The following DYNC1I1 variants were observed in gnomAD, a reference collection of about 807,000 sequenced individuals.
DYNC1I1 encodes cytoplasmic dynein 1 intermediate chain 1.
Under a neutral mutation model 86.6 loss-of-function variants are expected in DYNC1I1, and 43 were observed. The ratio of observed to expected loss-of-function variants is 0.50; its 90% confidence interval spans 0.39 to 0.64. The LOEUF (loss-of-function observed/expected upper bound fraction) is 0.64. Among genes scored for constraint, DYNC1I1 ranks in the 30% least tolerant of loss-of-function variants. The probability of loss-of-function intolerance (pLI) is 0.00; values close to 1 mark genes in which losing one functional copy is unlikely to be tolerated. For synonymous variants in DYNC1I1, 262 were observed against 283.7 expected, an observed-to-expected ratio of 0.92 and a Z score of 0.77; for missense variants, 604 against 788.8, an observed-to-expected ratio of 0.77 and a Z score of 2.81.
At chr7:96,084,497 T>G (rs1790621241) in intron 16 of DYNC1I1, among the ~76,000 whole-genome samples, 1 of 142,538 alleles carries the variant, frequency 7.0e-6, no homozygotes, top group Non-Finnish European at 1.5e-5. Flanking sequence ...TGGAGTGCAA[T>G]GGCACACTTC....
chr7:95,838,656 G>A (rs551439901), intron 5 of DYNC1I1, among the ~76,000 whole-genome samples: 2 of 151,972 alleles, frequency 1.3e-5, no homozygotes, highest in Admixed American at 1.3e-4. Flanking sequence ...ATATTGTTTT[G>A]TGTAATCCAT....
chr7:95,996,100 T>C, intron 10 of DYNC1I1, 27 bp downstream of exon 10: 1 of 1,613,782 alleles, frequency 6.2e-7, no homozygotes. Context: ...TAAAAATAAC[T>C]TACATCTCCT....
chr7:95,923,028 G>A (rs983121909), intron 6 of DYNC1I1, among the ~76,000 whole-genome samples: 1 of 151,996 alleles, frequency 6.6e-6, no homozygotes, highest in Non-Finnish European at 1.5e-5. Context: ...ATTAAAATTT[G>A]TTTTAATTCA....
At chr7:95,881,547 G>A (rs1790455013) in intron 6 of DYNC1I1, among the ~76,000 whole-genome samples, 1 of 152,142 alleles carries the variant, frequency 6.6e-6, no homozygotes, top group African/African-American at 2.4e-5. Flanking sequence ...GTAGTTCTTG[G>A]ACTATTTGGG....
At chr7:95,893,231 A>G (rs1790790589) in intron 6 of DYNC1I1, among the ~76,000 whole-genome samples, 1 of 152,146 alleles carries the variant, frequency 6.6e-6, no homozygotes, top group South Asian at 2.1e-4. Context: ...AAAAAATTCA[A>G]CTATTATGTG....
At chr7:96,100,585 A>G (rs920911839), downstream of DYNC1I1, among the ~76,000 whole-genome samples, 3 of 151,378 alleles carry the variant, frequency 2.0e-5, no homozygotes, top group Non-Finnish European at 4.4e-5. Flanking sequence ...TTAGATTTTG[A>G]GGTGTTTAAT....
chr7:95,940,038 A>G (rs1327734598), intron 6 of DYNC1I1, among the ~76,000 whole-genome samples: 2 of 151,902 alleles, frequency 1.3e-5, no homozygotes, highest in African/African-American at 4.8e-5. Flanking sequence ...AAAGTATTTT[A>G]TTTCTCCTTC....
intron 10 of DYNC1I1, among the ~76,000 whole-genome samples, chr7:96,014,410 T>C (rs938156425): frequency 1.9e-4 from 29 of 152,198 alleles, no homozygotes; most frequent in African/African-American, 7.0e-4. Context: ...AGGAACCCAG[T>C]GCCTTTCACT....
At chr7:96,065,883 T>C (rs983281164) in intron 14 of DYNC1I1, among the ~76,000 whole-genome samples, 1 of 152,208 alleles carries the variant, frequency 6.6e-6, no homozygotes, top group Non-Finnish European at 1.5e-5. Context: ...TTCTATTTTC[T>C]ACTCATTTAA....
chr7:95,965,918 G>T (rs895298795), intron 6 of DYNC1I1, among the ~76,000 whole-genome samples: 5 of 152,160 alleles, frequency 3.3e-5, no homozygotes, highest in Non-Finnish European at 5.9e-5. Context: ...GTTCCAAGTT[G>T]CTATCATGAT....
chr7:96,067,405 A>G (rs945498825), intron 14 of DYNC1I1, among the ~76,000 whole-genome samples: 15 of 151,668 alleles, frequency 9.9e-5, no homozygotes, highest in Non-Finnish European at 1.8e-4. Context: ...GCTTTCAATG[A>G]AACTACCTGT....
intron 16 of DYNC1I1, among the ~76,000 whole-genome samples, chr7:96,092,696 A>G (rs1273892258): frequency 6.6e-6 from 1 of 152,100 alleles, no homozygotes; most frequent in Non-Finnish European, 1.5e-5. Flanking sequence ...GAGGGGACTG[A>G]TCCCTGACAT....
chr7:95,931,864 T>C (rs73228462), intron 6 of DYNC1I1, among the ~76,000 whole-genome samples: 2,591 of 152,346 alleles, frequency 0.017, 59 homozygotes, highest in East Asian at 0.11. Context: ...CTAAATGTTA[T>C]TTTACTATTG....
At chr7:95,988,676 A>G (rs1391350099) in intron 9 of DYNC1I1, among the ~76,000 whole-genome samples, 4 of 152,236 alleles carry the variant, frequency 2.6e-5, no homozygotes, top group Admixed American at 2.6e-4. Flanking sequence ...TGAGAGAAGC[A>G]GGAATGATTA....
At chr7:95,920,379 T>C (rs935282255) in intron 6 of DYNC1I1, among the ~76,000 whole-genome samples, 1 of 152,184 alleles carries the variant, frequency 6.6e-6, no homozygotes, top group African/African-American at 2.4e-5. Context: ...GAATGTCTAG[T>C]GGCACCTAAG....
At chr7:96,096,775 A>G (rs1372732380) in intron 16 of DYNC1I1, among the ~76,000 whole-genome samples, 1 of 152,134 alleles carries the variant, frequency 6.6e-6, no homozygotes, top group Non-Finnish European at 1.5e-5. Flanking sequence ...ACCAGATTCC[A>G]TTGACACTTA....
At chr7:96,055,868 G>C (rs1295699914) in intron 14 of DYNC1I1, 2 of 152,152 alleles carry the variant, frequency 1.3e-5, no homozygotes, top group Non-Finnish European at 2.9e-5. Flanking sequence ...AAGGAATGTT[G>C]TGGAATTGGT....
At chr7:96,081,523 T>C (rs10227959) in intron 16 of DYNC1I1, among the ~76,000 whole-genome samples, 27,784 of 152,108 alleles carry the variant, frequency 0.18, 2,673 homozygotes, top group Middle Eastern at 0.26. Context: ...AAAGAAAATA[T>C]TGAACTTTCA....
chr7:96,053,504 C>T (rs1443202308), intron 14 of DYNC1I1, among the ~76,000 whole-genome samples: 1 of 152,006 alleles, frequency 6.6e-6, no homozygotes, highest in African/African-American at 2.4e-5. Flanking sequence ...TTCCAACAAA[C>T]TCCTGTCACT....
Sources: gnomAD v4.1 joint callset for allele counts (sites outside exome capture counted in the v4.1 genomes callset) on GRCh38, gnomAD v4.1.1 for gene constraint, MANE v1.5 for transcripts, NCBI Gene and HGNC (gene_info 2026-07-23, HGNC 2026-07-21) for gene names.